FOXP1: variants seen among roughly 807,000 people sequenced by gnomAD.
The protein encoded by FOXP1 is forkhead box protein P1.
In FOXP1, 15 loss-of-function variants were observed where a neutral mutation model predicts 98.2. The observed-to-expected ratio is 0.15, with a 90% CI of 0.10 to 0.24. The LOEUF is 0.24. FOXP1 is among the 10% of genes least tolerant of loss of function. FOXP1 has a pLI of 1.00. For missense variants in FOXP1, 633 were observed against 848.5 expected (o/e 0.75, Z 3.15); for synonymous variants, 371 against 314.5 (o/e 1.18, Z -1.90).
chr3:71,067,636 C>T (rs1017177474), intron 7 of FOXP1, among the ~76,000 whole-genome samples: 2 of 152,018 alleles, frequency 1.3e-5, no homozygotes, highest in Admixed American at 6.5e-5. Flanking sequence ...GTGGCTCATA[C>T]TCATAATCCC....
intron 3 of FOXP1, among the ~76,000 whole-genome samples, chr3:71,468,560 C>A (rs1353788593): frequency 5.9e-5 from 9 of 152,158 alleles, no homozygotes; most frequent in Non-Finnish European, 1.0e-4. Flanking sequence ...CATTAAAACT[C>A]CCACCCACCC....
chr3:71,319,092 T>C (rs1337918331), intron 4 of FOXP1, among the ~76,000 whole-genome samples: 1 of 152,202 alleles, frequency 6.6e-6, no homozygotes, highest in Non-Finnish European at 1.5e-5. Context: ...AACTGAAGTT[T>C]TCTAGAAAAC....
intron 11 of FOXP1, among the ~76,000 whole-genome samples, chr3:71,017,183 T>C (rs569598952): frequency 8.5e-5 from 13 of 152,214 alleles, no homozygotes; most frequent in African/African-American, 2.6e-4. Context: ...TAAAACTGCA[T>C]TGGACTCAAG....
chr3:70,967,951 C>G (rs1193686412), intron 19 of FOXP1, among the ~76,000 whole-genome samples: 10 of 152,062 alleles, frequency 6.6e-5, no homozygotes, highest in Non-Finnish European at 1.5e-5. Flanking sequence ...ACTGTGAAGA[C>G]AAAATTGAAA....
chr3:71,053,746 G>T lies in FOXP1; in HGVS notation c.310C>A (p.Pro104Thr). ...QVPVSVAMMT[P>T]QVITPQQMQQ... ...ATTTGCTGGGGAGTGATAACTTGAG[G>T]TGTCATCATAGCCACTGACACGGGA... Residue 104 changes from proline (P) to threonine (T), a missense_variant, in exon 8 of 21, where the codon CCT becomes ACT. This residue lies in a region of FOXP1 where 210 missense variants were observed against 270.6 expected (regional missense o/e 0.78). Coordinates refer to ENST00000649528, the MANE Select transcript of FOXP1 (RefSeq NM_001349338.3). The T allele has an allele frequency of 6.2e-7, 1 of 1,614,046 alleles. No homozygotes were observed. The highest frequency in any genetic ancestry group is 8.5e-7 in the Non-Finnish European group (1 of 1,179,978).
At chr3:71,413,290 A>ACACACACACCCC (rs371166757) in intron 3 of FOXP1, among the ~76,000 whole-genome samples, 72 of 138,616 alleles carry the variant, frequency 5.2e-4, no homozygotes, top group African/African-American at 1.5e-3. Context: ...ACACACACAC[A>ACACACACACCCC]CCCAAAACAG....
intron 3 of FOXP1, among the ~76,000 whole-genome samples, chr3:71,381,898 A>C (rs929902235): frequency 1.6e-4 from 24 of 152,226 alleles, no homozygotes; most frequent in African/African-American, 5.1e-4. Context: ...TCACAGATTA[A>C]AATGTTTATG....
intron 3 of FOXP1, among the ~76,000 whole-genome samples, chr3:71,362,747 G>A (rs772093390): frequency 8.5e-5 from 13 of 152,196 alleles, no homozygotes; most frequent in Admixed American, 5.2e-4. Context: ...TGGGACTACA[G>A]GCATAAGCCA....
chr3:71,488,791 T>C (rs2090850601), intron 3 of FOXP1, among the ~76,000 whole-genome samples: 1 of 152,220 alleles, frequency 6.6e-6, no homozygotes, highest in African/African-American at 2.4e-5. Context: ...TAACTGCTTA[T>C]TAAATCTAGC....
chr3:71,120,484 CTT>C (rs1559970027), intron 6 of FOXP1, among the ~76,000 whole-genome samples: 1 of 152,176 alleles, frequency 6.6e-6, no homozygotes, highest in Non-Finnish European at 1.5e-5. Flanking sequence ...GTGTTCCAGT[CTT>C]TGCAAATAAG....
intron 4 of FOXP1, among the ~76,000 whole-genome samples, chr3:71,310,914 C>A (rs899770995): frequency 1.3e-5 from 2 of 152,154 alleles, no homozygotes; most frequent in African/African-American, 4.8e-5. Context: ...TGGCTCTTGG[C>A]GGTTCCCACT....
chr3:71,351,694 G>C (rs888167297), intron 4 of FOXP1, among the ~76,000 whole-genome samples: 1 of 152,180 alleles, frequency 6.6e-6, no homozygotes, highest in Admixed American at 6.5e-5. Context: ...TGCTTGCTGG[G>C]AAAATGCCCA....
chr3:71,513,207 C>T (rs2042322573), intron 2 of FOXP1, among the ~76,000 whole-genome samples: 1 of 152,122 alleles, frequency 6.6e-6, no homozygotes, highest in Non-Finnish European at 1.5e-5. Context: ...CAAGCAGGCT[C>T]TATCCACGTG....
In FOXP1 at chr3:71,406,405, G is replaced by GTATGTATATATATATATATATATA. The variant is rs2082336447; in HGVS notation, c.-167-47162_-167-47161insTATATATATATATATATATACATA. Among the ~76,000 whole-genome samples the GTATGTATATATATATATATATATA allele has an allele frequency of 4.4e-4, 47 of 105,994 alleles. 2 individuals are homozygous for GTATGTATATATATATATATATATA. The highest frequency in any genetic ancestry group is 5.3e-3 in the Middle Eastern group (1 of 188). The allele number at this position is 105,994 out of a possible 152,430, so 69.5% of individuals were successfully genotyped here. ...TAATTGACACATAATAACTGTATGT[G>GTATGTATATATATATATATATATA]TATATATATATATATATATGGTACA... is the stretch of plus-strand genomic sequence containing the variant. On this transcript the variant is annotated intron_variant, in intron 3 of 20. Transcript: ENST00000649528.
chr3:71,084,179 C>A (rs1266589397), intron 7 of FOXP1, among the ~76,000 whole-genome samples: 1 of 152,176 alleles, frequency 6.6e-6, no homozygotes, highest in Non-Finnish European at 1.5e-5. Context: ...ATGCCTGCAA[C>A]ATCACTTTGA....
chr3:71,045,955 G>A (rs1403645835), intron 10 of FOXP1, among the ~76,000 whole-genome samples: 1 of 152,124 alleles, frequency 6.6e-6, no homozygotes, highest in Non-Finnish European at 1.5e-5. Context: ...AAATCTACTA[G>A]AGTTCAAAGA....
intron 6 of FOXP1, among the ~76,000 whole-genome samples, chr3:71,186,566 C>T (rs2108311099): frequency 6.6e-6 from 1 of 152,238 alleles, no homozygotes; most frequent in East Asian, 1.9e-4. Flanking sequence ...CAAAAATTAG[C>T]TGGGTGTGGT....
intron 11 of FOXP1, among the ~76,000 whole-genome samples, chr3:71,035,167 C>G (rs1450604531): frequency 2.0e-5 from 3 of 152,162 alleles, no homozygotes; most frequent in Non-Finnish European, 4.4e-5. Flanking sequence ...CAGGTCACAG[C>G]AGAGCTGCTG....
At chr3:71,415,071 T>C (rs1049937894) in intron 3 of FOXP1, among the ~76,000 whole-genome samples, 2 of 152,218 alleles carry the variant, frequency 1.3e-5, no homozygotes, top group African/African-American at 4.8e-5. Context: ...ATTCATATCT[T>C]AAGAGTCACC....
Sources: gnomAD v4.1 joint callset for allele counts (sites outside exome capture counted in the v4.1 genomes callset) on GRCh38, gnomAD v4.1.1 for gene constraint, gnomAD v4.1.1 regional missense constraint, MANE v1.5 for transcripts, NCBI Gene and HGNC (gene_info 2026-07-23, HGNC 2026-07-21) for gene names.